ENOX1: variants seen among roughly 807,000 people sequenced by gnomAD.
ENOX1 encodes candidate growth-related and time keeping constitutive hydroquinone (NADH) oxidase.
A neutral mutation model predicts 82.5 loss-of-function variants in ENOX1; 42 were observed. The observed-to-expected ratio is 0.51, with a 90% CI of 0.40 to 0.66. The LOEUF (loss-of-function observed/expected upper bound fraction) is 0.66. Ranked by LOEUF, ENOX1 falls within the 30% of genes least tolerant of loss-of-function variation. The pLI is 0.00. For synonymous variants in ENOX1, 271 were observed against 282.2 expected (o/e 0.96, Z 0.40); for missense variants, 608 against 811.6 (o/e 0.75, Z 3.05).
At chr13:43,231,186 C>T (rs1291639870) in intron 15 of ENOX1, among the ~76,000 whole-genome samples, 5 of 152,128 alleles carry the variant, frequency 3.3e-5, no homozygotes, top group Non-Finnish European at 7.3e-5. Flanking sequence ...AGAGGCCTGA[C>T]CATAAACCAG....
At chr13:43,215,450 T>G (rs1322689253) in intron 16 of ENOX1, among the ~76,000 whole-genome samples, 2 of 152,240 alleles carry the variant, frequency 1.3e-5, no homozygotes, top group East Asian at 3.8e-4. Context: ...ATGTGAAGGT[T>G]CATAATAACT....
intron 5 of ENOX1, among the ~76,000 whole-genome samples, chr13:43,383,720 A>G (rs1452320090): frequency 6.6e-6 from 1 of 152,214 alleles, no homozygotes; most frequent in Non-Finnish European, 1.5e-5. Flanking sequence ...AGAACGAGCA[A>G]TGACACCATT....
intron 1 of ENOX1, among the ~76,000 whole-genome samples, chr13:43,712,138 A>G (rs1369218576): frequency 6.7e-6 from 1 of 149,606 alleles, no homozygotes; most frequent in Non-Finnish European, 1.5e-5. Context: ...CTTTCTACAT[A>G]CGGCTAGCCA....
chr13:43,420,240 ATTAACTCT>A (rs1380002146), intron 3 of ENOX1, among the ~76,000 whole-genome samples: 3 of 152,226 alleles, frequency 2.0e-5, no homozygotes, highest in African/African-American at 7.2e-5. Context: ...ATGCTTATGT[ATTAACTCT>A]TTGATTCTTT....
intron 11 of ENOX1, among the ~76,000 whole-genome samples, chr13:43,303,996 C>G (rs2046726878): frequency 6.6e-6 from 1 of 152,140 alleles, no homozygotes; most frequent in Non-Finnish European, 1.5e-5. Flanking sequence ...CTGAAAGAAC[C>G]ACATGCTTGG....
intron 1 of ENOX1, among the ~76,000 whole-genome samples, chr13:43,678,073 T>C (rs929127431): frequency 6.6e-6 from 1 of 152,160 alleles, no homozygotes; most frequent in African/African-American, 2.4e-5. Context: ...TATACAAATG[T>C]GCATACAATA....
At chr13:43,305,430 A>G (rs1259010272) in intron 11 of ENOX1, among the ~76,000 whole-genome samples, 1 of 152,178 alleles carries the variant, frequency 6.6e-6, no homozygotes, top group East Asian at 1.9e-4. Flanking sequence ...AGCACAATGC[A>G]GTGTCTATTT....
At chr13:43,725,283 T>G (rs1370460869) in intron 1 of ENOX1, among the ~76,000 whole-genome samples, 1 of 152,198 alleles carries the variant, frequency 6.6e-6, no homozygotes, top group Non-Finnish European at 1.5e-5. Flanking sequence ...CCAATCACTC[T>G]GAGCCAAATG....
intron 5 of ENOX1, among the ~76,000 whole-genome samples, chr13:43,370,462 G>A (rs565325629): frequency 3.9e-5 from 6 of 152,140 alleles, no homozygotes; most frequent in African/African-American, 9.6e-5. Flanking sequence ...CCAGTTTTAC[G>A]GGCCATTGCC....
chr13:43,674,138 G>A (rs769313836), intron 1 of ENOX1, among the ~76,000 whole-genome samples: 4 of 152,152 alleles, frequency 2.6e-5, no homozygotes, highest in Non-Finnish European at 4.4e-5. Context: ...TAAAAAGAAC[G>A]AATGTCCAAG....
intron 1 of ENOX1, among the ~76,000 whole-genome samples, chr13:43,705,530 A>T (rs1434905433): frequency 2.0e-5 from 3 of 152,078 alleles, no homozygotes; most frequent in Non-Finnish European, 4.4e-5. Context: ...CTGTATGGCT[A>T]TATAAATATC....
chr13:43,720,488 T>C (rs1431716407), intron 1 of ENOX1, among the ~76,000 whole-genome samples: 1 of 152,184 alleles, frequency 6.6e-6, no homozygotes, highest in Non-Finnish European at 1.5e-5. Flanking sequence ...TCAGCTTCCA[T>C]TTGCTTTGAA....
chr13:43,512,908 T>C (rs905554277), intron 2 of ENOX1, among the ~76,000 whole-genome samples: 2 of 152,114 alleles, frequency 1.3e-5, no homozygotes, highest in Non-Finnish European at 2.9e-5. Context: ...CTAAGATATG[T>C]CAAGTATTGG....
At chr13:43,577,288 C>G (rs532984651) in intron 2 of ENOX1, among the ~76,000 whole-genome samples, 1 of 152,098 alleles carries the variant, frequency 6.6e-6, no homozygotes, top group South Asian at 2.1e-4. Context: ...TGCTCCACCA[C>G]ACCCGACTAA....
chr13:43,473,933 G>T (rs891388282), intron 3 of ENOX1, among the ~76,000 whole-genome samples: 2 of 152,052 alleles, frequency 1.3e-5, no homozygotes, highest in African/African-American at 4.8e-5. Flanking sequence ...AATGAACATC[G>T]TCACTTGGAA....
chr13:43,649,051 T>C (rs2084029779), intron 2 of ENOX1, among the ~76,000 whole-genome samples: 1 of 152,186 alleles, frequency 6.6e-6, no homozygotes, highest in African/African-American at 2.4e-5. Context: ...TGTCAAAGCG[T>C]GAAGGTGGCA....
chr13:43,533,171 C>T (rs777405795), intron 2 of ENOX1, among the ~76,000 whole-genome samples: 4 of 152,162 alleles, frequency 2.6e-5, no homozygotes, highest in South Asian at 2.1e-4. Context: ...AATGTGCACC[C>T]GGTGAGTAAT....
intron 2 of ENOX1, among the ~76,000 whole-genome samples, chr13:43,492,306 C>T (rs2076647253): frequency 6.6e-6 from 1 of 152,112 alleles, no homozygotes; most frequent in Non-Finnish European, 1.5e-5. Flanking sequence ...ACAGGCCTGG[C>T]CATTGCTTTG....
At chr13:43,673,708 T>A (rs1335654966) in intron 1 of ENOX1, among the ~76,000 whole-genome samples, 1 of 152,212 alleles carries the variant, frequency 6.6e-6, no homozygotes, top group African/African-American at 2.4e-5. Flanking sequence ...AGACTACAGT[T>A]TGGTAAATGA....
Sources: gnomAD v4.1 joint callset for allele counts (sites outside exome capture counted in the v4.1 genomes callset) on GRCh38, gnomAD v4.1.1 for gene constraint, MANE v1.5 for transcripts, NCBI Gene and HGNC (gene_info 2026-07-23, HGNC 2026-07-21) for gene names.